Variants in NMNAT2 observed in about 807,000 individuals in gnomAD.
The protein encoded by NMNAT2 is nicotinamide/nicotinic acid mononucleotide adenylyltransferase 2.
A neutral mutation model predicts 41.6 loss-of-function variants in NMNAT2; 11 were observed. The observed-to-expected ratio is 0.26, with a 90% CI of 0.17 to 0.44. The LOEUF (loss-of-function observed/expected upper bound fraction) is 0.44. NMNAT2 is among the 20% of genes least tolerant of loss of function. The pLI, the probability that NMNAT2 is intolerant of heterozygous loss-of-function variation, is 1.00. For missense variants in NMNAT2, 288 were observed against 407.7 expected (o/e 0.71, Z 2.53); for synonymous variants, 148 against 151.2 (o/e 0.98, Z 0.16).
intron 1 of NMNAT2, among the ~76,000 whole-genome samples, chr1:183,316,749 T>G (rs1662260342): frequency 6.6e-6 from 1 of 152,250 alleles, no homozygotes. Flanking sequence ...CAGCAAACAT[T>G]GATTCATTGG....
chr1:183,330,510 C>T (rs1662559019), intron 1 of NMNAT2, among the ~76,000 whole-genome samples: 1 of 152,116 alleles, frequency 6.6e-6, no homozygotes, highest in Non-Finnish European at 1.5e-5. Context: ...ACACTCCCTC[C>T]CCAGGGAGCC....
chr1:183,414,937 T>A (rs575930178), intron 1 of NMNAT2, among the ~76,000 whole-genome samples: 31 of 151,782 alleles, frequency 2.0e-4, no homozygotes, highest in East Asian at 1.7e-3. Flanking sequence ...GTCTGTTTTT[T>A]AAAAAAAAAT....
intron 4 of NMNAT2, among the ~76,000 whole-genome samples, chr1:183,287,183 C>G (rs1661422512): frequency 6.6e-6 from 1 of 152,166 alleles, no homozygotes; most frequent in Non-Finnish European, 1.5e-5. Flanking sequence ...GGCAGGAGCT[C>G]TGTCAGCAGC....
In NMNAT2 at chr1:183,336,015, TAA is replaced by T. The variant is rs1014241244; in HGVS notation, c.86-42224_86-42223del. ...TGTGAAACTCATTTCTGTGAGAAAC[TAA>T]AAGAGTCTGAAATTCTTCCCTAAAT... is the stretch of plus-strand genomic sequence containing the variant. On this transcript the variant is annotated intron_variant, in intron 1 of 10. Transcript: ENST00000287713. Among the ~76,000 whole-genome samples the T allele has an allele frequency of 3.3e-5, 5 of 152,216 alleles. 1 individual carries two copies. The highest frequency in any genetic ancestry group is 9.6e-5 in the African/African-American group (4 of 41,462).
intron 1 of NMNAT2, among the ~76,000 whole-genome samples, chr1:183,324,647 C>T (rs1292122019): frequency 6.6e-6 from 1 of 152,156 alleles, no homozygotes. Context: ...ACTTGCTCTC[C>T]ATCTCCCTTC....
chr1:183,264,504 G>A (rs1464367150), intron 8 of NMNAT2, among the ~76,000 whole-genome samples: 1 of 152,154 alleles, frequency 6.6e-6, no homozygotes, highest in Non-Finnish European at 1.5e-5. Flanking sequence ...GGGCATCATG[G>A]CAGGGGTTCA....
intron 7 of NMNAT2, 80 bp from the exon 8 acceptor site, chr1:183,278,709 T>C (rs1417059087): frequency 2.1e-6 from 2 of 972,362 alleles, no homozygotes; most frequent in Non-Finnish European, 3.3e-6. Context: ...CTTCCCCTGG[T>C]GAATACATAA....
intron 1 of NMNAT2, among the ~76,000 whole-genome samples, chr1:183,345,164 A>G (rs1463398811): frequency 6.6e-6 from 1 of 150,490 alleles, no homozygotes; most frequent in East Asian, 1.9e-4. Context: ...ACTTGCTTCT[A>G]CTAACATCAC....
intron 1 of NMNAT2, among the ~76,000 whole-genome samples, chr1:183,380,174 G>T (rs1439897861): frequency 6.6e-6 from 1 of 152,098 alleles, no homozygotes. Flanking sequence ...ATTTTCTCTG[G>T]TCATAATTCT....
chr1:183,401,183 T>C (rs1410901331), intron 1 of NMNAT2, among the ~76,000 whole-genome samples: 1 of 152,066 alleles, frequency 6.6e-6, no homozygotes, highest in Non-Finnish European at 1.5e-5. Context: ...AGGGCTAATA[T>C]CCAGAATCTA....
chr1:183,305,913 G>A (rs1224649034), intron 1 of NMNAT2, among the ~76,000 whole-genome samples: 1 of 152,064 alleles, frequency 6.6e-6, no homozygotes, highest in Middle Eastern at 3.4e-3. Flanking sequence ...GTAGAGATGG[G>A]GTTTCACCAT....
rs1571649373 is a variant in NMNAT2 at position 183,417,341 on chromosome 1, C to T, written c.85+842G>A. 2.0e-5 allele frequency among the ~76,000 whole-genome samples: 3 copies of T among 152,284 alleles called. No homozygotes were observed. In the East Asian group the frequency reaches 5.8e-4, roughly 29 times the overall value. The stretch of plus-strand genomic sequence containing the variant: ...CGCGCGATAAGTCCCCTCCCCCCAA[C>T]ACGCACACGCATATACTCACACACA... On this transcript the variant is annotated intron_variant, in intron 1 of 10. Coordinates refer to ENST00000287713, the MANE Select transcript of NMNAT2 (RefSeq NM_015039.4).
At chr1:183,375,654 C>T (rs1663661644) in intron 1 of NMNAT2, among the ~76,000 whole-genome samples, 1 of 152,212 alleles carries the variant, frequency 6.6e-6, no homozygotes, top group Non-Finnish European at 1.5e-5. Context: ...CTCTCAATTC[C>T]TTGACCACCA....
intron 1 of NMNAT2, among the ~76,000 whole-genome samples, chr1:183,307,142 A>G (rs868330294): frequency 9.2e-5 from 14 of 152,028 alleles, no homozygotes; most frequent in African/African-American, 3.4e-4. Context: ...CCCTGGCCCC[A>G]GTGAGATGTT....
intron 1 of NMNAT2, among the ~76,000 whole-genome samples, chr1:183,399,930 T>G (rs7529644): frequency 0.25 from 37,996 of 152,082 alleles, 4,744 homozygotes; most frequent in South Asian, 0.3. Context: ...ATAAGAGCTA[T>G]TTATGACAAA....
intron 1 of NMNAT2, among the ~76,000 whole-genome samples, chr1:183,310,006 A>G (rs1461188088): frequency 2.6e-5 from 4 of 152,232 alleles, no homozygotes; most frequent in Non-Finnish European, 4.4e-5. Flanking sequence ...TATAGGGTGG[A>G]CACCTGAAGA....
chr1:183,362,894 G>A (rs1290559645), intron 1 of NMNAT2, among the ~76,000 whole-genome samples: 1 of 152,104 alleles, frequency 6.6e-6, no homozygotes, highest in Non-Finnish European at 1.5e-5. Context: ...AATTGTATGA[G>A]GGTTGATTTC....
At chr1:183,334,192 G>C (rs913604417) in intron 1 of NMNAT2, among the ~76,000 whole-genome samples, 1 of 152,072 alleles carries the variant, frequency 6.6e-6, no homozygotes, top group East Asian at 1.9e-4. Context: ...TCACTCTTCC[G>C]AGTAGCTGGG....
chr1:183,362,953 C>T (rs1663335753), intron 1 of NMNAT2, among the ~76,000 whole-genome samples: 1 of 152,142 alleles, frequency 6.6e-6, no homozygotes, highest in African/African-American at 2.4e-5. Flanking sequence ...CTCATCAACA[C>T]TTGTTATTGT....
Sources: allele counts gnomAD v4.1 joint callset (sites outside exome capture counted in the v4.1 genomes callset), GRCh38; gene constraint gnomAD v4.1.1; transcripts MANE v1.5; gene names NCBI Gene and HGNC (gene_info 2026-07-23, HGNC 2026-07-21).